Variants in CEP112 observed in about 807,000 individuals in gnomAD.
The protein encoded by CEP112 is centrosomal protein of 112 kDa.
CEP112 carries 127 observed loss-of-function variants against 153.0 expected under a neutral mutation model. The ratio of observed to expected loss-of-function variants is 0.83; its 90% CI spans 0.72 to 0.96. The LOEUF is 0.96. Among genes scored for constraint, CEP112 ranks in the 40% least tolerant of loss-of-function variants. The pLI is 0.00. For synonymous variants in CEP112, 358 were observed against 374.4 expected, an observed-to-expected ratio of 0.96 and a Z score of 0.51; for missense variants, 1,089 against 1,101.2, an observed-to-expected ratio of 0.99 and a Z score of 0.16.
At chr17:66,169,726 G>A (rs932873753) in intron 4 of CEP112, among the ~76,000 whole-genome samples, 3 of 152,072 alleles carry the variant, frequency 2.0e-5, no homozygotes, top group Admixed American at 2.0e-4. Context: ...CTATATTGAG[G>A]TTTTTATAAA....
chr17:65,907,635 T>G (rs188711149), intron 19 of CEP112, among the ~76,000 whole-genome samples: 1 of 152,274 alleles, frequency 6.6e-6, no homozygotes, highest in Admixed American at 6.5e-5. Flanking sequence ...CTAGCAAGGG[T>G]GTCTTCTCCA....
intron 9 of CEP112, 23 bp from the exon 10 acceptor site, chr17:66,066,900 T>G: frequency 7.0e-7 from 1 of 1,431,674 alleles, no homozygotes; most frequent in South Asian, 1.3e-5. Flanking sequence ...TTAAAATATT[T>G]CAGTATATTG....
chr17:66,083,969 A>G (rs1308062821), intron 8 of CEP112, among the ~76,000 whole-genome samples: 2 of 152,226 alleles, frequency 1.3e-5, no homozygotes, highest in Non-Finnish European at 2.9e-5. Context: ...TTAAATAGAC[A>G]AAAAAGAGGT....
intron 8 of CEP112, among the ~76,000 whole-genome samples, chr17:66,083,679 T>G (rs1487275949): frequency 6.6e-6 from 1 of 152,092 alleles, no homozygotes; most frequent in East Asian, 1.9e-4. Context: ...TGAAACCCCG[T>G]CTCTACTGTA....
chr17:65,797,922 G>A (rs1191184477), intron 21 of CEP112, among the ~76,000 whole-genome samples: 1 of 152,136 alleles, frequency 6.6e-6, no homozygotes, highest in East Asian at 1.9e-4. Context: ...TGTGGTTCTA[G>A]TAGTGGGGGA....
At chr17:66,031,496 T>TC (rs2065480679) in intron 12 of CEP112, among the ~76,000 whole-genome samples, 5 of 99,436 alleles carry the variant, frequency 5.0e-5, no homozygotes, top group Non-Finnish European at 1.1e-4. Context: ...GTTTTTTTTT[T>TC]TTTTTGAGAC....
chr17:66,028,915 T>C (rs957452183), intron 14 of CEP112, among the ~76,000 whole-genome samples: 7 of 152,142 alleles, frequency 4.6e-5, no homozygotes, highest in Non-Finnish European at 8.8e-5. Context: ...ATTCAGTTTA[T>C]TAAATATTTG....
At chr17:66,048,239 A>G (rs1459582643) in intron 12 of CEP112, among the ~76,000 whole-genome samples, 1 of 152,196 alleles carries the variant, frequency 6.6e-6, no homozygotes, top group Non-Finnish European at 1.5e-5. Context: ...TGAACAAGGA[A>G]GGAAGACTTC....
At chr17:66,135,319 T>C (rs1405181536) in intron 4 of CEP112, among the ~76,000 whole-genome samples, 1 of 152,168 alleles carries the variant, frequency 6.6e-6, no homozygotes, top group Non-Finnish European at 1.5e-5. Flanking sequence ...GCCATAAGAC[T>C]GTCTCCAGCT....
At chr17:65,709,497 G>A (rs1019522714) in intron 23 of CEP112, among the ~76,000 whole-genome samples, 2 of 152,156 alleles carry the variant, frequency 1.3e-5, no homozygotes, top group African/African-American at 2.4e-5. Context: ...ATCGGATCTC[G>A]TGAGACTTAT....
chr17:66,151,579 C>T (rs1252952967), intron 4 of CEP112, among the ~76,000 whole-genome samples: 1 of 152,224 alleles, frequency 6.6e-6, no homozygotes, highest in African/African-American at 2.4e-5. Context: ...TAGCTTCCAT[C>T]ATGCTTACCT....
chr17:65,786,267 T>C (rs2054268312), intron 21 of CEP112, among the ~76,000 whole-genome samples: 1 of 152,162 alleles, frequency 6.6e-6, no homozygotes, highest in South Asian at 2.1e-4. Context: ...ATTGATCTTA[T>C]ATCCTGCAAC....
intron 20 of CEP112, among the ~76,000 whole-genome samples, chr17:65,869,765 T>A (rs1568143308): frequency 1.3e-5 from 2 of 151,860 alleles, no homozygotes; most frequent in East Asian, 3.9e-4. Context: ...TTTTGTATTT[T>A]TAGTAGAGAC....
At chr17:65,669,341 G>C (rs2046851918) in intron 24 of CEP112, among the ~76,000 whole-genome samples, 1 of 152,198 alleles carries the variant, frequency 6.6e-6, no homozygotes, top group African/African-American at 2.4e-5. Flanking sequence ...AGTCTGATGA[G>C]CCAGACTGAG....
At chr17:65,770,627 T>C (rs79385005) in intron 21 of CEP112, among the ~76,000 whole-genome samples, 306 of 152,084 alleles carry the variant, frequency 2.0e-3, no homozygotes, top group African/African-American at 7.3e-3. Flanking sequence ...TAAAAGACAA[T>C]TGAATATTTA....
intron 19 of CEP112, among the ~76,000 whole-genome samples, chr17:65,918,497 C>T (rs987854197): frequency 2.0e-5 from 3 of 152,000 alleles, no homozygotes; most frequent in Admixed American, 6.5e-5. Flanking sequence ...CTTATTCTTT[C>T]TGGAGAAGCT....
At chr17:66,029,042 A>G (rs1362632628) in intron 14 of CEP112, 81 bp downstream of exon 14, 11 of 1,094,096 alleles carry the variant, frequency 1.0e-5, no homozygotes, top group Non-Finnish European at 1.4e-5. Context: ...CAAATGCCAA[A>G]TAATTTCTAC....
At chr17:65,926,713 A>C (rs964222337) in intron 19 of CEP112, among the ~76,000 whole-genome samples, 2 of 150,356 alleles carry the variant, frequency 1.3e-5, no homozygotes, top group Non-Finnish European at 3.0e-5. Context: ...ACTCCTTCTC[A>C]AATAATAATA....
intron 21 of CEP112, among the ~76,000 whole-genome samples, chr17:65,799,069 C>T (rs1257967722): frequency 1.3e-5 from 2 of 152,136 alleles, no homozygotes; most frequent in African/African-American, 2.4e-5. Flanking sequence ...AAGTTGTTCC[C>T]TTCCACTTGG....
Sources: gnomAD v4.1 joint callset for allele counts (sites outside exome capture counted in the v4.1 genomes callset) on GRCh38, gnomAD v4.1.1 for gene constraint, MANE v1.5 for transcripts, NCBI Gene and HGNC (gene_info 2026-07-23, HGNC 2026-07-21) for gene names.